The following FBXW5 variants were observed in gnomAD, a reference collection of about 807,000 sequenced individuals.
The protein encoded by FBXW5 is F-box/WD repeat-containing protein 5.
In FBXW5, 74 loss-of-function variants were observed where a neutral mutation model predicts 50.9. The ratio of observed to expected loss-of-function variants is 1.45; its 90% confidence interval spans 1.20 to 1.76. FBXW5 has a LOEUF of 1.76. Among genes scored for constraint, FBXW5 ranks in the 40% most tolerant of loss-of-function variants. FBXW5 has a pLI of 0.00. For missense variants in FBXW5, 1,073 were observed against 818.8 expected, an observed-to-expected ratio of 1.31 and a Z score of -3.79; for synonymous variants, 523 against 362.2, an observed-to-expected ratio of 1.44 and a Z score of -5.04.
chr9:136,942,256 C>T lies in FBXW5; in HGVS notation c.886G>A (p.Ala296Thr), dbSNP rs561473224. 45 of 1,580,646 alleles carry T rather than the reference C, an allele frequency of 2.8e-5. No individual in the cohort carries two copies. Among genetic ancestry groups the T allele is most frequent in the Admixed American group, 5.5e-5 (3 of 54,806 alleles). The change falls in exon 6 of 9, where the codon GCC (alanine) becomes ACC (threonine). Residue 296 changes from alanine to threonine, a missense_variant. By Grantham distance (58) the Ala-to-Thr change is moderately conservative (BLOSUM62 0). Transcript: ENST00000325285. Reference protein sequence around the residue: ...NEEVVAGPAPAHAKEGLRHFL... With the variant: ...NEEVVAGPAPTHAKEGLRHFL... The stretch of plus-strand genomic sequence containing the variant: ...TGCCGCAAGCCCTCCTTGGCGTGGG[C>T]GGGGGCCGGGCCAGCCACCACCTCC...
rs190248219 is a variant in FBXW5 at position 136,944,735 on chromosome 9, C to G, written c.-165G>C. The G allele has an allele frequency of 3.0e-6, 3 of 985,460 alleles. No homozygotes were observed. Among genetic ancestry groups the G allele is most frequent in the Non-Finnish European group, 3.6e-6 (3 of 829,934 alleles). The allele number at this position is 985,460 out of a possible 1,614,324, so 61.0% of individuals were successfully genotyped here. A position where few individuals can be genotyped will look rare whatever the true frequency, so the allele number is the denominator to read the frequency against. ...CCACGAGCCCCGAGGCATCGATGGC[C>G]GAGGAAGGCAGAGCGCGCGGGTAGC... On this transcript the variant is annotated 5_prime_UTR_variant, in exon 1 of 9. Transcript: ENST00000325285.
At position 136,942,786 on chromosome 9, in the gene FBXW5, A is replaced by G. The variant is rs555007815; in HGVS notation, c.509T>C (p.Ile170Thr). The G allele has an allele frequency of 2.5e-6, 4 of 1,612,766 alleles. No individual in the cohort carries two copies. Among genetic ancestry groups the G allele is most frequent in the South Asian group, 2.2e-5 (2 of 91,080 alleles). ...LGPHNSSSGE[I>T]AVISLDSFAL... The stretch of plus-strand genomic sequence containing the variant: ...GTGCTCACCTAGGCTGATGACAGCA[A>G]TCTCGCCGGATGAGGAGTTGTGCGG... The change falls in exon 4 of 9, where the codon ATT (isoleucine) becomes ACT (threonine). Residue 170 changes from isoleucine (I) to threonine (T), a missense_variant. Physicochemically the swap from Ile to Thr is moderately conservative, Grantham distance 89. Coordinates refer to ENST00000325285, the MANE Select transcript of FBXW5 (RefSeq NM_018998.4).
intron 3 of FBXW5, 180 bp from the exon 4 acceptor site, chr9:136,943,123 C>T (rs1280312082): frequency 7.3e-6 from 8 of 1,095,888 alleles, no homozygotes; most frequent in Admixed American, 4.2e-5. Flanking sequence ...AGGAGCCTGC[C>T]CCTGAAGCAG....
intron 1 of FBXW5, chr9:136,944,367 C>T (rs1342735035): frequency 1.6e-6 from 1 of 638,418 alleles, no homozygotes; most frequent in Admixed American, 5.4e-5. Context: ...GACCGCCGCA[C>T]GCGAGGCACG....
At position 136,940,874 on chromosome 9, in the gene FBXW5, G is replaced by A; in HGVS notation, c.*54C>T. Reference sequence around the variant, plus strand: ...CTCTCCCGCTCGGGAAAAAGCCACAGAGCCTGGCGATGTCCTCAAGGGGTC... The same window carrying A: ...CTCTCCCGCTCGGGAAAAAGCCACAAAGCCTGGCGATGTCCTCAAGGGGTC... On this transcript the variant is annotated 3_prime_UTR_variant, in exon 9 of 9. Coordinates refer to ENST00000325285, the MANE Select transcript of FBXW5 (RefSeq NM_018998.4). 1.3e-6 allele frequency: 2 copies of A among 1,540,114 alleles called. No homozygotes were observed. Among genetic ancestry groups the A allele is most frequent in the Non-Finnish European group, 1.7e-6 (2 of 1,144,556 alleles).
intron 2 of FBXW5, 113 bp from the exon 3 acceptor site, chr9:136,943,619 T>C: frequency 1.4e-6 from 2 of 1,391,636 alleles, no homozygotes; most frequent in Non-Finnish European, 1.9e-6. Flanking sequence ...TGGAACCCAC[T>C]AGTCATGGCA....
chr9:136,942,421 T>C lies in FBXW5; in HGVS notation c.721A>G (p.Ile241Val). The C allele has an allele frequency of 6.2e-7, 1 of 1,603,738 alleles. No homozygotes were observed. Residue 241 changes from isoleucine (I) to valine (V), a missense_variant, in exon 6 of 9, where the codon ATC becomes GTC. Coordinates refer to ENST00000325285, the MANE Select transcript of FBXW5 (RefSeq NM_018998.4). ...ACGGTGCTGGCATTGAGGTTCTGGA[T>C]CTTGAACAGCCGCTTCACCACGTTG... ...NVNVVKRLFK[I>V]QNLNASTVRT...
chr9:136,941,056 GCTCCTGC>G lies in FBXW5; in HGVS notation c.1566_1572del (p.Glu522AspfsTer80). The G allele has an allele frequency of 6.4e-7, 1 of 1,557,298 alleles. No homozygotes were observed. Among genetic ancestry groups the G allele is most frequent in the Non-Finnish European group, 8.7e-7 (1 of 1,150,496 alleles). ...GCGTCGTCGCTGGCCGTGAGCAGCA[GCTCCTGC>G]TCCTGGGGACTGAAGACCACTGAGT... On this transcript the variant is annotated frameshift_variant, in exon 9 of 9. Coordinates refer to ENST00000325285, the MANE Select transcript of FBXW5 (RefSeq NM_018998.4). LOFTEE classifies it high-confidence loss of function.
Position 136,943,923 on chromosome 9 carries a change from T to TC in FBXW5, c.160_161insG (p.Tyr54Ter). The TC allele has an allele frequency of 6.4e-7, 1 of 1,551,040 alleles. No individual in the cohort carries two copies. ...TCGGGGCACGTCGCGGGCCACCTGG[T>TC]AGTAGCGGTAGAACTGCTCCCTCCA... ...FLWREQFYRY[Y>*]QVARDVPRHP... is the part of the protein sequence containing the mutation. The change falls in exon 2 of 9, where the codon TAC (tyrosine) becomes TGAC (stop). Residue 54 changes from tyrosine (Y) to a stop codon, truncating the protein, a stop_gained and frameshift_variant. Coordinates refer to ENST00000325285, the MANE Select transcript of FBXW5 (RefSeq NM_018998.4). LOFTEE classifies it high-confidence loss of function.
Position 136,942,800 on chromosome 9 carries a change from G to A in FBXW5, c.495C>T (p.Ser165=), listed in dbSNP as rs764945619. 1.2e-6 allele frequency: 2 copies of A among 1,613,122 alleles called. No individual in the cohort carries two copies. Among genetic ancestry groups the A allele is most frequent in the South Asian group, 2.2e-5 (2 of 91,084 alleles). Residue 165 remains serine, a synonymous_variant, in exon 4 of 9, where the codon TCC becomes TCT. Transcript: ENST00000325285. The stretch of plus-strand genomic sequence containing the variant: ...TGATGACAGCAATCTCGCCGGATGA[G>A]GAGTTGTGCGGCCCCAGGAACACCC... ...ASGVFLGPHN[S]SSGEIAVISL...
At chr9:136,944,155 C>T (rs1473623718) in intron 1 of FBXW5, 49 bp from the exon 2 acceptor site, 32 of 1,474,990 alleles carry the variant, frequency 2.2e-5, no homozygotes, top group South Asian at 2.7e-5. Context: ...GAAGGGAGGC[C>T]GAGAGCGGGC....
At chr9:136,944,447 C>T (rs1367611583) in intron 1 of FBXW5, 147 bp downstream of exon 1, 1 of 956,922 alleles carries the variant, frequency 1.0e-6, no homozygotes, top group African/African-American at 1.8e-5. Context: ...GCAGTGGCCT[C>T]CGCCCTGCGG....
chr9:136,943,480 G>A lies in FBXW5; in HGVS notation c.220C>T (p.Gln74Ter). 3 of 1,611,976 alleles carry A rather than the reference G, an allele frequency of 1.9e-6. No individual in the cohort carries two copies. Among genetic ancestry groups the A allele is most frequent in the Non-Finnish European group, 1.7e-6 (2 of 1,179,302 alleles). Reference sequence around the variant, plus strand: ...CAGGGCACCGTGTCATACAGCCGCTGGAACTCCTCGTACCAGGACATGGCC... The same window carrying A: ...CAGGGCACCGTGTCATACAGCCGCTAGAACTCCTCGTACCAGGACATGGCC... ...PAAMSWYEEFQRLYDTVPCVE... is the reference protein window; with the variant it reads ...PAAMSWYEEF The change falls in exon 3 of 9, where the codon CAG becomes TAG. Residue 74 changes from glutamine to a stop codon, truncating the protein, a stop_gained. Transcript: ENST00000325285. LOFTEE classifies it high-confidence loss of function.
At chr9:136,944,389 C>T (rs1850950882) in intron 1 of FBXW5, 13 of 711,536 alleles carry the variant, frequency 1.8e-5, no homozygotes, top group Non-Finnish European at 2.3e-5. Flanking sequence ...GGACACCAGG[C>T]GCCGTCCGGG....
Position 136,941,816 on chromosome 9 carries a change from G to A in FBXW5, c.1097-132C>T. ...GTCCGTGGGCACTGCCTGCTCCGGG[G>A]GCCCCAGACCTGAATCAGGCCCGTC... is the stretch of plus-strand genomic sequence containing the variant. On this transcript the variant is annotated intron_variant, in intron 6 of 8. Coordinates refer to ENST00000325285, the MANE Select transcript of FBXW5 (RefSeq NM_018998.4). The A allele has an allele frequency of 4.8e-6, 7 of 1,444,104 alleles. No individual in the cohort carries two copies. The South Asian group carries it at 1.0e-4, about 21-fold the overall frequency. 89.5% of individuals were successfully genotyped at this position (1,444,104 alleles called of 1,614,324 possible). A position where few individuals can be genotyped will look rare whatever the true frequency, so the allele number is the denominator to read the frequency against.
In FBXW5 at chr9:136,940,629, G is replaced by T; in HGVS notation, c.*299C>A. ...CCGAAGGTGCCCCGGGCCGAGGCCA[G>T]CTGGGTCAGGTGTACCCCTAGCCTG... On this transcript the variant is annotated 3_prime_UTR_variant, in exon 9 of 9. Coordinates refer to ENST00000325285, the MANE Select transcript of FBXW5 (RefSeq NM_018998.4). 2.4e-6 allele frequency: 1 copy of T among 418,936 alleles called. No individual in the cohort carries two copies. The highest frequency in any genetic ancestry group is 4.4e-6 in the Non-Finnish European group (1 of 225,764). The allele number at this position is 418,936 out of a possible 1,614,324, so 26.0% of individuals were successfully genotyped here.
Position 136,940,851 on chromosome 9 carries a change from C to T in FBXW5, c.*77G>A, listed in dbSNP as rs1850722288. The T allele has an allele frequency of 6.0e-6, 9 of 1,507,382 alleles. No individual in the cohort carries two copies. Among genetic ancestry groups the T allele is most frequent in the Non-Finnish European group, 8.0e-6 (9 of 1,129,432 alleles). 93.4% of individuals were successfully genotyped at this position (1,507,382 alleles called of 1,614,324 possible). A position where few individuals can be genotyped will look rare whatever the true frequency, so the allele number is the denominator to read the frequency against. On this transcript the variant is annotated 3_prime_UTR_variant, in exon 9 of 9. Transcript: ENST00000325285. ...GTAACTGCTATAAGCATCTCCACCTCTCCCGCTCGGGAAAAAGCCACAGAG... is the reference window on the plus strand; with the variant it reads ...GTAACTGCTATAAGCATCTCCACCTTTCCCGCTCGGGAAAAAGCCACAGAG...
rs1309181886 is a variant in FBXW5 at position 136,944,657 on chromosome 9, G to A, written c.-87C>T. 1 of 985,464 alleles carries A rather than the reference G, an allele frequency of 1.0e-6. No homozygotes were observed. The highest frequency in any genetic ancestry group is 1.2e-6 in the Non-Finnish European group (1 of 829,710). The allele number at this position is 985,464 out of a possible 1,614,324, so 61.0% of individuals were successfully genotyped here. A position where few individuals can be genotyped will look rare whatever the true frequency, so the allele number is the denominator to read the frequency against. ...GCGACCCGGACCCGCTTCCGCTGCCGCAGCCGCTCGGACCGCCGCCCCCGC... is the reference window on the plus strand; with the variant it reads ...GCGACCCGGACCCGCTTCCGCTGCCACAGCCGCTCGGACCGCCGCCCCCGC... On this transcript the variant is annotated 5_prime_UTR_variant, in exon 1 of 9. Coordinates refer to ENST00000325285, the MANE Select transcript of FBXW5 (RefSeq NM_018998.4).
In FBXW5 at chr9:136,943,993, G is replaced by T; in HGVS notation, c.91C>A (p.Leu31Met). The stretch of plus-strand genomic sequence containing the variant: ...ACGGCCTGCCATTGGCGGCACACCA[G>T]CCCGGCGGCCAGCACGTCGGCCGGG... The part of the protein sequence containing the change: ...LGPADVLAAG[L>M]VCRQWQAVSR... The change falls in exon 2 of 9, where the codon CTG becomes ATG. Residue 31 changes from leucine (L) to methionine (M), a missense_variant. Physicochemically the swap from Leu to Met is conservative, Grantham distance 15. Coordinates refer to ENST00000325285, the MANE Select transcript of FBXW5 (RefSeq NM_018998.4). 6.3e-7 allele frequency: 1 copy of T among 1,589,904 alleles called. No homozygotes were observed. The highest frequency in any genetic ancestry group is 1.7e-5 in the Admixed American group (1 of 57,184).
Sources: allele counts gnomAD v4.1 joint callset, GRCh38; gene constraint gnomAD v4.1.1; transcripts MANE v1.5; gene names NCBI Gene and HGNC (gene_info 2026-07-23, HGNC 2026-07-21).